Variants in NIPA2 observed in about 807,000 individuals in gnomAD.
NIPA2 encodes the protein magnesium transporter NIPA2.
A neutral mutation model predicts 29.7 loss-of-function variants in NIPA2; 11 were observed. The observed-to-expected ratio is 0.37, with a 90% CI of 0.23 to 0.61. NIPA2 has a LOEUF of 0.61. Ranked by LOEUF, NIPA2 falls within the 20% of genes least tolerant of loss-of-function variation. NIPA2 has a pLI of 0.66. For missense variants in NIPA2, 426 were observed against 437.9 expected, an observed-to-expected ratio of 0.97 and a Z score of 0.24; for synonymous variants, 183 against 161.9, an observed-to-expected ratio of 1.13 and a Z score of -0.99.
At chr15:22,841,822 C>G (rs941088179) in intron 2 of NIPA2, among the ~76,000 whole-genome samples, 3 of 152,198 alleles carry the variant, frequency 2.0e-5, no homozygotes, top group African/African-American at 7.2e-5. Flanking sequence ...CTCGCTTTTT[C>G]ACGCTAATGT....
At chr15:22,863,085 G>GTT (rs199515853) in intron 7 of NIPA2, among the ~76,000 whole-genome samples, 5 of 125,304 alleles carry the variant, frequency 4.0e-5, no homozygotes, top group African/African-American at 1.1e-4. Context: ...TATTTTCTTT[G>GTT]TTTTTTTTTT....
At chr15:22,841,725 T>G (rs1257043109) in intron 2 of NIPA2, among the ~76,000 whole-genome samples, 1 of 152,156 alleles carries the variant, frequency 6.6e-6, no homozygotes, top group African/African-American at 2.4e-5. Context: ...GTCAGGCTGG[T>G]CTCGAACTCC....
rs60523225 is a variant in NIPA2, at chr15:22,857,836, CAAAAAAAAAAAAA to C, written c.197-694_197-682del. 3.8e-3 allele frequency among the ~76,000 whole-genome samples: 263 copies of C among 68,800 alleles called. 2 individuals are homozygous for C. Among genetic ancestry groups the C allele is most frequent in the African/African-American group, 0.012 (251 of 20,122 alleles). The allele number at this position is 68,800 out of a possible 152,430, so 45.1% of individuals were successfully genotyped here. A position where few individuals can be genotyped will look rare whatever the true frequency, so the allele number is the denominator to read the frequency against. ...TGGGCGATAGAGCAAGACTCCATCT[CAAAAAAAAAAAAA>C]AAAAAAAAAGGACCAAATGAAAAGG... On this transcript the variant is annotated intron_variant, in intron 5 of 7. Coordinates refer to ENST00000337451, the MANE Select transcript of NIPA2 (RefSeq NM_030922.7).
chr15:22,851,551 G>A, intron 3 of NIPA2, 88 bp from the exon 4 acceptor site: 1 of 391,676 alleles, frequency 2.6e-6, no homozygotes, highest in Non-Finnish European at 4.5e-6. Context: ...TTTTTCTTTA[G>A]GGGAAGAGAA....
Position 22,866,686 on chromosome 15 carries a change from A to C in NIPA2, c.922A>C (p.Ser308Arg). Residue 308 changes from serine to arginine, a missense_variant, in exon 8 of 8, where the codon AGT (serine) becomes CGT (arginine). By Grantham distance (110) the Ser-to-Arg change is moderately radical. Coordinates refer to ENST00000337451, the MANE Select transcript of NIPA2 (RefSeq NM_030922.7). ...AFKDVSFSLA[S>R]LPVSFRKDEK... ...TAAAGACGTCAGCTTTAGTCTAGCAAGTCTGCCTGTGTCTTTTCGAAAAGA... is the reference window on the plus strand; with the variant it reads ...TAAAGACGTCAGCTTTAGTCTAGCACGTCTGCCTGTGTCTTTTCGAAAAGA... The C allele has an allele frequency of 1.2e-6, 2 of 1,614,128 alleles. 1 individual carries two copies. The highest frequency in any genetic ancestry group is 2.2e-5 in the South Asian group (2 of 91,086).
rs1193999489 is a variant in NIPA2 at position 22,867,592 on chromosome 15, G to A, written c.*745G>A. On this transcript the variant is annotated 3_prime_UTR_variant, in exon 8 of 8. Coordinates refer to ENST00000337451, the MANE Select transcript of NIPA2 (RefSeq NM_030922.7). ...GAACCTTGATTACCGTTTTACATCA[G>A]CTCTTGTACTTTTCAGTATATTTTC... The A allele has an allele frequency of 5.6e-6, 1 of 177,324 alleles. No homozygotes were observed. Among genetic ancestry groups the A allele is most frequent in the Non-Finnish European group, 1.2e-5 (1 of 85,506 alleles). The allele number at this position is 177,324 out of a possible 1,614,324, so 11.0% of individuals were successfully genotyped here.
In NIPA2 at chr15:22,862,049, C is replaced by CTTTTTTTTTTTTTTTT. The variant is rs57513456; in HGVS notation, c.448+1275_448+1276insTTTTTTTTTTTTTTTT. ...ACCATGCCTCGCCTGATGGGTCTCTCTTTTTTTTTTTTTTTGAGACAGAGT... is the reference window on the plus strand; with the variant it reads ...ACCATGCCTCGCCTGATGGGTCTCTCTTTTTTTTTTTTTTTTTTTTTTTTTTTTTTTGAGACAGAGT... On this transcript the variant is annotated intron_variant, in intron 7 of 7. Transcript: ENST00000337451. Among the ~76,000 whole-genome samples the CTTTTTTTTTTTTTTTT allele has an allele frequency of 5.3e-4, 55 of 103,936 alleles. 1 individual carries two copies. The highest frequency in any genetic ancestry group is 2.0e-3 in the African/African-American group (52 of 26,656). 68.2% of individuals were successfully genotyped at this position (103,936 alleles called of 152,430 possible). A position where few individuals can be genotyped will look rare whatever the true frequency, so the allele number is the denominator to read the frequency against.
chr15:22,843,770 C>T (rs2141024159), intron 2 of NIPA2, among the ~76,000 whole-genome samples: 1 of 152,072 alleles, frequency 6.6e-6, no homozygotes, highest in African/African-American at 2.4e-5. Flanking sequence ...CCTTCCTTAG[C>T]CTCACCAGTA....
At chr15:22,865,391 C>T (rs1386821654) in intron 7 of NIPA2, among the ~76,000 whole-genome samples, 1 of 151,712 alleles carries the variant, frequency 6.6e-6, no homozygotes, top group Non-Finnish European at 1.5e-5. Flanking sequence ...GAGGCTGAGG[C>T]AGGAGAATGG....
intron 5 of NIPA2, among the ~76,000 whole-genome samples, 160 bp from the exon 6 acceptor site, chr15:22,858,380 T>C (rs1440937379): frequency 6.6e-6 from 1 of 151,954 alleles, no homozygotes; most frequent in African/African-American, 2.4e-5. Context: ...GGCGACAGAG[T>C]GAGACTCCGT....
chr15:22,862,898 C>A, intron 7 of NIPA2, among the ~76,000 whole-genome samples: 1 of 110,258 alleles, frequency 9.1e-6, no homozygotes. Context: ...TGCCTTTATT[C>A]TTTTTTTTTT....
chr15:22,851,247 G>C (rs1255696539), intron 3 of NIPA2, among the ~76,000 whole-genome samples: 1 of 152,136 alleles, frequency 6.6e-6, no homozygotes, highest in African/African-American at 2.4e-5. Flanking sequence ...AGAAAATTTT[G>C]AGTTTCTTTG....
intron 3 of NIPA2, among the ~76,000 whole-genome samples, chr15:22,850,334 T>G (rs561291461): frequency 6.6e-6 from 1 of 152,126 alleles, no homozygotes; most frequent in Non-Finnish European, 1.5e-5. Context: ...CCTCTAGGTG[T>G]AGACTCAGAA....
chr15:22,868,370 A>AT lies in NIPA2; in HGVS notation c.*1523_*1524insT, dbSNP rs2059296711. On this transcript the variant is annotated 3_prime_UTR_variant, in exon 8 of 8. Transcript: ENST00000337451. ...AACATGCATAGGTTAATAAATAATA[A>AT]ATTCTTATTTAACATTTTGTAGCAC... is the stretch of plus-strand genomic sequence containing the variant. The AT allele has an allele frequency of 6.6e-6, 1 of 152,064 alleles. No individual in the cohort carries two copies. Among genetic ancestry groups the AT allele is most frequent in the African/African-American group, 2.4e-5 (1 of 41,420 alleles). The allele number at this position is 152,064 out of a possible 1,614,324, so 9.4% of individuals were successfully genotyped here.
intron 3 of NIPA2, among the ~76,000 whole-genome samples, chr15:22,848,825 CAAAAAAAAAAAAAAAA>C (rs35853443): frequency 1.5e-5 from 1 of 66,712 alleles, no homozygotes; most frequent in African/African-American, 6.3e-5. Context: ...ACTCTTGTCT[CAAAAAAAAAAAAAAAA>C]AAAAAAAAAA....
At chr15:22,840,013 C>T (rs142569378) in intron 2 of NIPA2, among the ~76,000 whole-genome samples, 2 of 152,154 alleles carry the variant, frequency 1.3e-5, no homozygotes, top group East Asian at 1.9e-4. Flanking sequence ...TTCCGCCTCC[C>T]GGGCTCAAGT....
chr15:22,844,236 A>G (rs1037960617), intron 2 of NIPA2, among the ~76,000 whole-genome samples: 2 of 152,198 alleles, frequency 1.3e-5, no homozygotes, highest in Non-Finnish European at 2.9e-5. Flanking sequence ...GAAAGTTCAC[A>G]TTACAAATAT....
intron 3 of NIPA2, among the ~76,000 whole-genome samples, chr15:22,850,037 C>A (rs138806304): frequency 1.3e-5 from 2 of 151,844 alleles, no homozygotes; most frequent in Non-Finnish European, 2.9e-5. Context: ...ACAATGAGTC[C>A]CTGTGTACCC....
At chr15:22,842,610 C>T (rs1459523038) in intron 2 of NIPA2, among the ~76,000 whole-genome samples, 4 of 151,998 alleles carry the variant, frequency 2.6e-5, no homozygotes, top group Non-Finnish European at 4.4e-5. Context: ...AGAAGGATCA[C>T]CCGAGGTCAG....
Sources: allele counts gnomAD v4.1 joint callset (sites outside exome capture counted in the v4.1 genomes callset), GRCh38; gene constraint gnomAD v4.1.1; transcripts MANE v1.5; gene names NCBI Gene and HGNC (gene_info 2026-07-23, HGNC 2026-07-21).